The following ZFYVE9 variants were observed in gnomAD, a reference collection of about 807,000 sequenced individuals.
ZFYVE9 encodes zinc finger FYVE-type containing 9, also known as zinc finger FYVE domain-containing protein 9.
In ZFYVE9, 43 loss-of-function variants were observed where a neutral mutation model predicts 126.7. The ratio of observed to expected loss-of-function variants is 0.34; its 90% confidence interval spans 0.27 to 0.44. ZFYVE9 has a LOEUF of 0.44. ZFYVE9 is among the 20% of genes least tolerant of loss of function. The probability of loss-of-function intolerance (pLI) is 1.00; values close to 1 mark genes in which losing one functional copy is unlikely to be tolerated. For synonymous variants in ZFYVE9, 521 were observed against 597.4 expected (o/e 0.87, Z 1.87); for missense variants, 1,476 against 1,697.0 (o/e 0.87, Z 2.29).
chr1:52,155,182 G>A (rs1644390386), intron 1 of ZFYVE9, among the ~76,000 whole-genome samples: 1 of 150,100 alleles, frequency 6.7e-6, no homozygotes, highest in Non-Finnish European at 1.5e-5. Flanking sequence ...ATGAAGCATT[G>A]TATCTCTTAA....
In ZFYVE9 at chr1:52,303,723, A is replaced by G. The variant is rs900362747; in HGVS notation, c.3334-98A>G. 6 of 677,124 alleles carry G rather than the reference A, an allele frequency of 8.9e-6. No individual in the cohort carries two copies. In the East Asian group the frequency reaches 9.0e-5, roughly 10 times the overall value. 41.9% of individuals were successfully genotyped at this position (677,124 alleles called of 1,614,324 possible). On this transcript the variant is annotated intron_variant, in intron 12 of 18. Transcript: ENST00000287727. ...TTATTTAAATAAATAGGATCTTTCA[A>G]TATTGACATTTTTTCCATTCGTGTT...
At chr1:52,152,692 C>G (rs144737474) in intron 1 of ZFYVE9, among the ~76,000 whole-genome samples, 18 of 152,266 alleles carry the variant, frequency 1.2e-4, no homozygotes, top group African/African-American at 4.3e-4. Flanking sequence ...ATTTAATTCT[C>G]CTTTCACTTT....
At chr1:52,179,419 G>C (rs1644674743) in intron 1 of ZFYVE9, among the ~76,000 whole-genome samples, 1 of 152,156 alleles carries the variant, frequency 6.6e-6, no homozygotes, top group Non-Finnish European at 1.5e-5. Flanking sequence ...CGGATTGTGT[G>C]AGGTCAGGAG....
chr1:52,174,554 A>G (rs1644606119), intron 1 of ZFYVE9, among the ~76,000 whole-genome samples: 1 of 151,016 alleles, frequency 6.6e-6, no homozygotes, highest in Non-Finnish European at 1.5e-5. Context: ...ATTCCTGGGT[A>G]TCCTTGTTAA....
intron 1 of ZFYVE9, among the ~76,000 whole-genome samples, chr1:52,167,670 C>T (rs1251328629): frequency 1.3e-5 from 2 of 152,168 alleles, no homozygotes; most frequent in African/African-American, 4.8e-5. Context: ...ACATACAAAT[C>T]ATCAACTGTC....
intron 1 of ZFYVE9, among the ~76,000 whole-genome samples, chr1:52,171,284 A>G (rs1277165450): frequency 6.6e-6 from 1 of 152,148 alleles, no homozygotes; most frequent in Non-Finnish European, 1.5e-5. Context: ...TTTACTGAGA[A>G]TGATGATTTC....
chr1:52,175,348 CTCGT>C (rs1644615798), intron 1 of ZFYVE9, among the ~76,000 whole-genome samples: 2 of 151,492 alleles, frequency 1.3e-5, no homozygotes, highest in Non-Finnish European at 2.9e-5. Flanking sequence ...TCTCTTCTGG[CTCGT>C]AGAGTTTCTG....
chr1:52,190,597 A>C lies in ZFYVE9; in HGVS notation c.-142-25772A>C, dbSNP rs75954451. Among the ~76,000 whole-genome samples the C allele has an allele frequency of 1.3e-3, 199 of 152,270 alleles. 2 individuals carry two copies. The East Asian group carries it at 0.024, about 18-fold the overall frequency. On this transcript the variant is annotated intron_variant, in intron 1 of 18. Transcript: ENST00000287727. ...AGATTTTCAGTTTCATCAATAGTAGATTGTCATGTCTGGATTACATAAAGA... is the reference window on the plus strand; with the variant it reads ...AGATTTTCAGTTTCATCAATAGTAGCTTGTCATGTCTGGATTACATAAAGA...
At chr1:52,180,333 T>C (rs1644685760) in intron 1 of ZFYVE9, 2 of 1,571,714 alleles carry the variant, frequency 1.3e-6, no homozygotes, top group East Asian at 2.2e-5. Flanking sequence ...GCCCATGATA[T>C]TTGTTTACGT....
At chr1:52,200,392 GCT>G (rs1206682184) in intron 1 of ZFYVE9, among the ~76,000 whole-genome samples, 1 of 152,076 alleles carries the variant, frequency 6.6e-6, no homozygotes, top group Non-Finnish European at 1.5e-5. Context: ...TGTTGCCCAT[GCT>G]GGTGTTGAAC....
rs765738817 is a variant in ZFYVE9, at chr1:52,293,619, T to G, written c.3192T>G (p.Thr1064=). The G allele has an allele frequency of 3.1e-6, 5 of 1,613,958 alleles. No homozygotes were observed. The highest frequency in any genetic ancestry group is 4.2e-6 in the Non-Finnish European group (5 of 1,180,010). ...LFGILIQKWE[T]PWAKVFPIRL... ...GGATTCTTATCCAGAAATGGGAAAC[T>G]CCTTGGGCTAAAGTATTTCCTATCC... is the stretch of plus-strand genomic sequence containing the variant. Residue 1064 remains threonine (T), a synonymous_variant, in exon 11 of 19, where the codon ACT becomes ACG. Transcript: ENST00000287727.
chr1:52,246,312 T>C (rs1319778027), intron 4 of ZFYVE9, among the ~76,000 whole-genome samples: 3 of 152,242 alleles, frequency 2.0e-5, no homozygotes, highest in South Asian at 2.1e-4. Flanking sequence ...TTATTAGATA[T>C]AAATTTTTAT....
intron 1 of ZFYVE9, among the ~76,000 whole-genome samples, chr1:52,201,057 T>G (rs905464121): frequency 6.6e-6 from 1 of 152,214 alleles, no homozygotes; most frequent in Admixed American, 6.5e-5. Flanking sequence ...GTGTTGAATC[T>G]GTAGATCAAG....
In ZFYVE9 at chr1:52,238,673, A is replaced by G. The variant is rs1164074834; in HGVS notation, c.1256A>G (p.Lys419Arg). Reference protein sequence around the residue: ...EMNDSQVNEEKEKFLQISQPE... With the variant: ...EMNDSQVNEEREKFLQISQPE... Reference sequence around the variant, plus strand: ...AATGATAGCCAAGTAAACGAAGAAAAGGAAAAGTTTCTACAGATTAGTCAG... The same window carrying G: ...AATGATAGCCAAGTAAACGAAGAAAGGGAAAAGTTTCTACAGATTAGTCAG... The change falls in exon 4 of 19, where the codon AAG (lysine) becomes AGG (arginine). Residue 419 changes from lysine to arginine, a missense_variant. This residue lies in a region of ZFYVE9 where 807 missense variants were observed against 794.6 expected (regional missense o/e 1.02). Coordinates refer to ENST00000287727, the MANE Select transcript of ZFYVE9 (RefSeq NM_004799.4). 4.3e-6 allele frequency: 7 copies of G among 1,613,990 alleles called. No homozygotes were observed. In the African/African-American group the frequency reaches 6.7e-5, roughly 15 times the overall value.
intron 13 of ZFYVE9, among the ~76,000 whole-genome samples, chr1:52,331,077 C>T (rs1318725658): frequency 7.2e-5 from 11 of 151,980 alleles, no homozygotes; most frequent in Non-Finnish European, 1.6e-4. Flanking sequence ...CCATGTTGGC[C>T]AGGCTGGTCT....
At chr1:52,219,749 T>TTTTGTGTGTG (rs1553126028) in intron 2 of ZFYVE9, among the ~76,000 whole-genome samples, 1 of 113,274 alleles carries the variant, frequency 8.8e-6, no homozygotes, top group Non-Finnish European at 1.8e-5. Context: ...CCAAGATCTT[T>TTTTGTGTGTG]TGTGTGTGTG....
chr1:52,170,849 T>G (rs115438634), intron 1 of ZFYVE9, among the ~76,000 whole-genome samples: 1 of 152,286 alleles, frequency 6.6e-6, no homozygotes, highest in African/African-American at 2.4e-5. Flanking sequence ...TTTGAACGTT[T>G]TAAGGCTTGT....
chr1:52,288,837 A>G (rs751531025), intron 10 of ZFYVE9, among the ~76,000 whole-genome samples: 1 of 151,518 alleles, frequency 6.6e-6, no homozygotes, highest in Non-Finnish European at 1.5e-5. Context: ...CAGGCGGGAG[A>G]ATCAATTGAA....
intron 1 of ZFYVE9, among the ~76,000 whole-genome samples, chr1:52,214,621 A>G (rs1377215541): frequency 6.6e-6 from 1 of 152,076 alleles, no homozygotes; most frequent in Non-Finnish European, 1.5e-5. Flanking sequence ...CTGTAATATT[A>G]TTTGTATTAG....
Sources: allele counts gnomAD v4.1 joint callset (sites outside exome capture counted in the v4.1 genomes callset), GRCh38; gene constraint gnomAD v4.1.1; regional missense constraint gnomAD v4.1.1; transcripts MANE v1.5; gene names NCBI Gene and HGNC (gene_info 2026-07-23, HGNC 2026-07-21).